PALM2AKAP2: variants seen among roughly 807,000 people sequenced by gnomAD.
PALM2AKAP2 encodes the protein PALM2 and AKAP2 fusion, also known as PALM2-AKAP2 fusion protein.
Under a neutral mutation model 71.5 loss-of-function variants are expected in PALM2AKAP2, and 37 were observed. The ratio of observed to expected loss-of-function variants is 0.52; its 90% CI spans 0.40 to 0.68. PALM2AKAP2 has a LOEUF of 0.68. Among genes scored for constraint, PALM2AKAP2 ranks in the 30% least tolerant of loss-of-function variants. The probability of loss-of-function intolerance (pLI) is 0.00; values close to 1 mark genes in which losing one functional copy is unlikely to be tolerated. For missense variants in PALM2AKAP2, 1,224 were observed against 1,191.8 expected, an observed-to-expected ratio of 1.03 and a Z score of -0.40; for synonymous variants, 468 against 478.8, an observed-to-expected ratio of 0.98 and a Z score of 0.29.
chr9:109,963,444 T>C (rs1831887713), intron 6 of PALM2AKAP2, among the ~76,000 whole-genome samples: 1 of 152,300 alleles, frequency 6.6e-6, no homozygotes, highest in East Asian at 1.9e-4. Context: ...CATTTCATCT[T>C]CTCTTAAAAG....
intron 1 of PALM2AKAP2, among the ~76,000 whole-genome samples, chr9:109,844,560 G>A (rs1238353736): frequency 6.6e-6 from 1 of 152,218 alleles, no homozygotes; most frequent in Non-Finnish European, 1.5e-5. Flanking sequence ...TGAATAGATG[G>A]AGAGTTTCTG....
At chr9:109,758,268 G>T (rs1026890748) in intron 1 of PALM2AKAP2, among the ~76,000 whole-genome samples, 2 of 152,050 alleles carry the variant, frequency 1.3e-5, no homozygotes, top group South Asian at 2.1e-4. Context: ...TTAACCCTAT[G>T]GATGGACATT....
At chr9:109,891,029 A>G (rs1319234638) in intron 3 of PALM2AKAP2, among the ~76,000 whole-genome samples, 1 of 152,230 alleles carries the variant, frequency 6.6e-6, no homozygotes, top group Admixed American at 6.5e-5. Context: ...TTACAGGGAC[A>G]TTCAGCCAGC....
intron 6 of PALM2AKAP2, among the ~76,000 whole-genome samples, chr9:110,003,069 G>A (rs1832711060): frequency 1.3e-5 from 2 of 152,068 alleles, no homozygotes; most frequent in South Asian, 4.2e-4. Flanking sequence ...CTTGCCTTCG[G>A]CTAGCTTTTG....
chr9:110,097,160 CA>C (rs1834867039), intron 1 of PALM2AKAP2, among the ~76,000 whole-genome samples: 1 of 150,644 alleles, frequency 6.6e-6, no homozygotes, highest in Non-Finnish European at 1.5e-5. Context: ...GACTCTTAAC[CA>C]GCATGCTGCC....
chr9:109,823,362 C>A (rs970116255), intron 1 of PALM2AKAP2, among the ~76,000 whole-genome samples: 9 of 152,194 alleles, frequency 5.9e-5, no homozygotes, highest in African/African-American at 1.9e-4. Flanking sequence ...GGGAACAGCC[C>A]TGGACCTGAG....
intron 1 of PALM2AKAP2, among the ~76,000 whole-genome samples, chr9:110,117,382 C>G (rs1481484785): frequency 6.6e-6 from 1 of 152,172 alleles, no homozygotes; most frequent in African/African-American, 2.4e-5. Context: ...ACCTCAGCCT[C>G]CCCAAGTGCT....
intron 6 of PALM2AKAP2, among the ~76,000 whole-genome samples, chr9:109,934,647 G>A (rs1311230284): frequency 5.3e-5 from 8 of 152,128 alleles, no homozygotes; most frequent in Non-Finnish European, 8.8e-5. Flanking sequence ...AGAGCACGAC[G>A]CTGCAGACCA....
At chr9:109,918,044 C>T (rs1830736106) in intron 3 of PALM2AKAP2, among the ~76,000 whole-genome samples, 1 of 152,212 alleles carries the variant, frequency 6.6e-6, no homozygotes, top group African/African-American at 2.4e-5. Flanking sequence ...AACTATTCTA[C>T]AGCATGTTGT....
chr9:109,684,392 A>C (rs1423838302), intron 1 of PALM2AKAP2, among the ~76,000 whole-genome samples: 1 of 152,186 alleles, frequency 6.6e-6, no homozygotes, highest in African/African-American at 2.4e-5. Context: ...TGTTTTCAAT[A>C]GAACAGGCTC....
intron 3 of PALM2AKAP2, among the ~76,000 whole-genome samples, chr9:109,922,569 T>G (rs1830860750): frequency 6.7e-6 from 1 of 148,904 alleles, no homozygotes; most frequent in Admixed American, 6.7e-5. Flanking sequence ...AATGAATGAA[T>G]GAGTGATTGA....
At chr9:109,725,988 C>G (rs1454025055) in intron 1 of PALM2AKAP2, among the ~76,000 whole-genome samples, 2 of 152,212 alleles carry the variant, frequency 1.3e-5, no homozygotes, top group African/African-American at 4.8e-5. Context: ...CATATGCCTG[C>G]ATTTAATCTG....
intron 6 of PALM2AKAP2, among the ~76,000 whole-genome samples, chr9:109,962,475 G>GA (rs1254973961): frequency 1.3e-5 from 2 of 151,906 alleles, no homozygotes; most frequent in African/African-American, 2.4e-5. Flanking sequence ...GAGTAGTTGG[G>GA]AAAAAAATCA....
intron 3 of PALM2AKAP2, among the ~76,000 whole-genome samples, chr9:109,919,043 A>G (rs918839559): frequency 1.3e-5 from 2 of 152,250 alleles, no homozygotes; most frequent in African/African-American, 4.8e-5. Flanking sequence ...CAGGTCGCAG[A>G]GAATTCTTAA....
chr9:109,839,088 A>G (rs1828575447), intron 1 of PALM2AKAP2, among the ~76,000 whole-genome samples: 1 of 152,238 alleles, frequency 6.6e-6, no homozygotes, highest in Non-Finnish European at 1.5e-5. Context: ...ACAAAAAAAG[A>G]GAATTTTAGA....
chr9:110,094,104 A>C (rs1345836546), intron 1 of PALM2AKAP2, among the ~76,000 whole-genome samples: 1 of 152,224 alleles, frequency 6.6e-6, no homozygotes, highest in Non-Finnish European at 1.5e-5. Flanking sequence ...CCCAAATGTC[A>C]ATAGCACCGC....
In PALM2AKAP2 at chr9:109,733,640, C is replaced by T. The variant is rs905517888; in HGVS notation, c.6-46848C>T. ...CCTTTCAAGGCTGTCAGTTTATAAC[C>T]CTATGGCCTATGGCTTTTATCTCCC... On this transcript the variant is annotated intron_variant, in intron 1 of 6. Coordinates refer to the PALM2AKAP2 transcript ENST00000374531. 2.0e-5 allele frequency among the ~76,000 whole-genome samples: 3 copies of T among 152,110 alleles called. No individual in the cohort carries two copies. The South Asian group carries it at 6.2e-4, about 32-fold the overall frequency.
exon 2 of PALM2AKAP2, chr9:110,137,522 A>G (rs1835914676): frequency 1.2e-6 from 2 of 1,614,080 alleles, no homozygotes; most frequent in Non-Finnish European, 1.7e-6. Context: ...GCCCTTATCT[A>G]AACTGTGGGC....
chr9:109,874,774 A>G (rs141803223), intron 2 of PALM2AKAP2, among the ~76,000 whole-genome samples: 17 of 152,074 alleles, frequency 1.1e-4, no homozygotes, highest in Non-Finnish European at 2.1e-4. Context: ...TGATACCACT[A>G]TTCACCCTTT....
Sources: gnomAD v4.1 joint callset for allele counts (sites outside exome capture counted in the v4.1 genomes callset) on GRCh38, gnomAD v4.1.1 for gene constraint, MANE v1.5 for transcripts, NCBI Gene and HGNC (gene_info 2026-07-23, HGNC 2026-07-21) for gene names.